The following ZNF112 variants were observed in gnomAD, a reference collection of about 807,000 sequenced individuals.
ZNF112 encodes the protein zinc finger protein 112, also known as zinc finger protein 112 (Y14).
ZNF112 carries 37 observed loss-of-function variants against 77.7 expected under a neutral mutation model. That is an observed-to-expected ratio of 0.48 (90% confidence interval 0.37 to 0.63). The LOEUF is 0.63. Ranked by LOEUF, ZNF112 falls within the 20% of genes least tolerant of loss-of-function variation. The pLI, the probability that ZNF112 is intolerant of heterozygous loss-of-function variation, is 0.00. For missense variants in ZNF112, 950 were observed against 1,077.4 expected (o/e 0.88, Z 1.66); for synonymous variants, 333 against 363.6 (o/e 0.92, Z 0.96).
At position 44,329,067 on chromosome 19, in the gene ZNF112, G is replaced by C; in HGVS notation, c.1090C>G (p.His364Asp). Residue 364 changes from histidine (H) to aspartate (D), a missense_variant, in exon 4 of 4, where the codon CAT (histidine) becomes GAT (aspartate). Around this residue, in one of 3 missense-constraint regions of ZNF112, gnomAD observed 560 missense variants for 557.3 expected, o/e 1.00. Transcript: ENST00000354340. ...RHNIYEKAFS[H>D]SLDLNSIFRV... ...AAAATACTATTAAGGTCTAAGCTAT[G>C]ACTGAAGGCTTTCTCATAAATGTTG... The C allele has an allele frequency of 1.2e-6, 2 of 1,613,852 alleles. No homozygotes were observed. Among genetic ancestry groups the C allele is most frequent in the South Asian group, 1.1e-5 (1 of 91,070 alleles).
rs1970608518 is a variant in ZNF112, at chr19:44,347,303, AC to A, written c.-3-6762del. 4.6e-5 allele frequency among the ~76,000 whole-genome samples: 7 copies of A among 152,110 alleles called. No individual in the cohort carries two copies. In the South Asian group the frequency reaches 1.5e-3, roughly 32 times the overall value. On this transcript the variant is annotated intron_variant, in intron 1 of 3. Transcript: ENST00000354340. ...AATGGAGTTATTTTAGACCACATAT[AC>A]TTGGTTCTTGCTTTTTATCCAATCT... is the stretch of plus-strand genomic sequence containing the variant.
At chr19:44,348,171 G>A (rs1166766628) in intron 1 of ZNF112, among the ~76,000 whole-genome samples, 2 of 152,054 alleles carry the variant, frequency 1.3e-5, no homozygotes, top group East Asian at 3.8e-4. Context: ...GTATCCAGAA[G>A]TGATTTTCTC....
At chr19:44,331,973 G>T (rs8107369) in intron 3 of ZNF112, among the ~76,000 whole-genome samples, 19,125 of 152,148 alleles carry the variant, frequency 0.13, 1,595 homozygotes, top group East Asian at 0.39. Flanking sequence ...CATAGGCAGG[G>T]CCTGTGGATT....
chr19:44,342,087 G>A (rs951151789), intron 1 of ZNF112, among the ~76,000 whole-genome samples: 9 of 152,194 alleles, frequency 5.9e-5, no homozygotes, highest in African/African-American at 2.2e-4. Flanking sequence ...CAGATGCAAA[G>A]TGCCTATATA....
intron 2 of ZNF112, among the ~76,000 whole-genome samples, chr19:44,338,502 C>T (rs893662804): frequency 3.9e-5 from 6 of 152,176 alleles, no homozygotes; most frequent in African/African-American, 1.2e-4. Context: ...GATGACTTCA[C>T]GTGCCTCCAG....
At position 44,328,675 on chromosome 19, in the gene ZNF112, C is replaced by T. The variant is rs1480779964; in HGVS notation, c.1482G>A (p.Lys494=). 3 of 1,614,084 alleles carry T rather than the reference C, an allele frequency of 1.9e-6. No individual in the cohort carries two copies. Among genetic ancestry groups the T allele is most frequent in the East Asian group, 2.2e-5 (1 of 44,880 alleles). ...TCCAGTTGAAGCCATTCCCATGCTCCTTACGTGGTTTCTCTCCAATGTGAA... is the reference window on the plus strand; with the variant it reads ...TCCAGTTGAAGCCATTCCCATGCTCTTTACGTGGTTTCTCTCCAATGTGAA... ...PKIHIGEKPR[K]EHGNGFNWSS... is the part of the protein sequence containing the mutation. The change falls in exon 4 of 4, where the codon AAG becomes AAA. Residue 494 remains lysine (K), a synonymous_variant. Coordinates refer to ENST00000354340, the MANE Select transcript of ZNF112 (RefSeq NM_013380.4).
At chr19:44,342,706 C>T (rs1197878508) in intron 1 of ZNF112, among the ~76,000 whole-genome samples, 1 of 151,578 alleles carries the variant, frequency 6.6e-6, no homozygotes, top group African/African-American at 2.4e-5. Context: ...ATCCCAGCTA[C>T]TCGGGAGGCT....
At chr19:44,353,828 A>T (rs747144047) in intron 1 of ZNF112, among the ~76,000 whole-genome samples, 1 of 152,132 alleles carries the variant, frequency 6.6e-6, no homozygotes, top group Non-Finnish European at 1.5e-5. Flanking sequence ...GGCATCTTAT[A>T]AAGTTAAACA....
rs775100653 is a variant in ZNF112, at chr19:44,328,761, T to C, written c.1396A>G (p.Lys466Glu). 7 of 1,614,134 alleles carry C rather than the reference T, an allele frequency of 4.3e-6. No individual in the cohort carries two copies. Among genetic ancestry groups the C allele is most frequent in the Non-Finnish European group, 5.9e-6 (7 of 1,179,984 alleles). Residue 466 changes from lysine (K) to glutamate (E), a missense_variant, in exon 4 of 4, where the codon AAA becomes GAA. Lys to Glu is a moderately conservative substitution (Grantham distance 56). Around this residue, in one of 3 missense-constraint regions of ZNF112, gnomAD observed 560 missense variants for 557.3 expected, o/e 1.00. Transcript: ENST00000354340. The part of the protein sequence containing the change: ...QIVHTKEQPY[K>E]RYVCSNSFSH... ...AAGCTGTTACTACACACATAGCGTT[T>C]ATATGGTTGTTCCTTAGTGTGGACT...
intron 1 of ZNF112, among the ~76,000 whole-genome samples, chr19:44,352,911 C>T (rs1038516736): frequency 2.6e-5 from 4 of 151,966 alleles, no homozygotes; most frequent in South Asian, 2.1e-4. Context: ...GTGATAAAGA[C>T]GGATCTACTG....
chr19:44,364,408 T>C (rs1455597227), intron 1 of ZNF112, among the ~76,000 whole-genome samples: 2 of 152,228 alleles, frequency 1.3e-5, no homozygotes, highest in African/African-American at 4.8e-5. Flanking sequence ...TTTAATATTG[T>C]ATTGTACAAG....
chr19:44,339,830 G>A (rs531972113), intron 2 of ZNF112, among the ~76,000 whole-genome samples: 2 of 151,288 alleles, frequency 1.3e-5, no homozygotes, highest in East Asian at 2.0e-4. Flanking sequence ...CCTGAACTCT[G>A]TATATACACT....
intron 2 of ZNF112, among the ~76,000 whole-genome samples, chr19:44,338,526 A>G (rs1160953090): frequency 6.6e-6 from 1 of 152,212 alleles, no homozygotes; most frequent in East Asian, 1.9e-4. Flanking sequence ...TGATTCCCTC[A>G]AAAGTGCACA....
At chr19:44,331,628 T>C (rs1970271788) in intron 3 of ZNF112, among the ~76,000 whole-genome samples, 1 of 152,214 alleles carries the variant, frequency 6.6e-6, no homozygotes, top group Admixed American at 6.5e-5. Flanking sequence ...CTTATTTCTT[T>C]GTGTTTGTCT....
Position 44,329,454 on chromosome 19 carries a change from T to C in ZNF112, c.703A>G (p.Met235Val), listed in dbSNP as rs112908031. 3 of 1,613,942 alleles carry C rather than the reference T, an allele frequency of 1.9e-6. No homozygotes were observed. Among genetic ancestry groups the C allele is most frequent in the East Asian group, 2.2e-5 (1 of 44,860 alleles). ...TCCTGATTAAGTAATGATACCTTCA[T>C]GATATCTTCTCCACAGTCATGGCAG... Reference protein sequence around the residue: ...YSCHDCGEDIMKVSLLNQESI... With the variant: ...YSCHDCGEDIVKVSLLNQESI... Residue 235 changes from methionine (M) to valine (V), a missense_variant, in exon 4 of 4, where the codon ATG becomes GTG. Coordinates refer to ENST00000354340, the MANE Select transcript of ZNF112 (RefSeq NM_013380.4).
intron 1 of ZNF112, among the ~76,000 whole-genome samples, chr19:44,365,468 TTATA>T (rs200896760): frequency 9.4e-6 from 1 of 106,136 alleles, no homozygotes; most frequent in Admixed American, 9.4e-5. Context: ...TCAAAAAAAA[TTATA>T]TATATATATA....
At position 44,328,276 on chromosome 19, in the gene ZNF112, T is replaced by C. The variant is rs371826122; in HGVS notation, c.1881A>G (p.Gly627=). The C allele has an allele frequency of 6.2e-7, 1 of 1,613,964 alleles. No individual in the cohort carries two copies. The highest frequency in any genetic ancestry group is 1.3e-5 in the African/African-American group (1 of 74,900). ...ATTCCTCACATTTGAATGGTTTTTCTCCAGTGTGGACTCTCTGATGGCCTT... is the reference window on the plus strand; with the variant it reads ...ATTCCTCACATTTGAATGGTTTTTCCCCAGTGTGGACTCTCTGATGGCCTT... ...HLQGHQRVHT[G]EKPFKCEECG... Residue 627 remains glycine (G), a synonymous_variant, in exon 4 of 4, where the codon GGA becomes GGG. Transcript: ENST00000354340.
At chr19:44,343,108 AAAAC>A (rs1970521703) in intron 1 of ZNF112, 1 of 820,334 alleles carries the variant, frequency 1.2e-6, no homozygotes, top group Non-Finnish European at 1.8e-6. Flanking sequence ...GAAAAGGACA[AAAAC>A]AAAAAGCAAG....
Position 44,329,128 on chromosome 19 carries a change from A to C in ZNF112, c.1029T>G (p.Tyr343Ter), listed in dbSNP as rs371661688. 17 of 1,613,824 alleles carry C rather than the reference A, an allele frequency of 1.1e-5. No individual in the cohort carries two copies. Among genetic ancestry groups the C allele is most frequent in the African/African-American group, 2.7e-5 (2 of 74,940 alleles). The change falls in exon 4 of 4, where the codon TAT becomes TAG. Residue 343 changes from tyrosine to a stop codon, truncating the protein, a stop_gained. Transcript: ENST00000354340. LOFTEE classifies it high-confidence loss of function. ...NFNHCSPLNTYELIHTGEMSY... is the reference protein window; with the variant it reads ...NFNHCSPLNT ...ACATCTCACCTGTGTGGATAAGTTCATAAGTGTTAAGAGGGGAACAGTGAT... is the reference window on the plus strand; with the variant it reads ...ACATCTCACCTGTGTGGATAAGTTCCTAAGTGTTAAGAGGGGAACAGTGAT...
Sources: gnomAD v4.1 joint callset for allele counts (sites outside exome capture counted in the v4.1 genomes callset) on GRCh38, gnomAD v4.1.1 for gene constraint, gnomAD v4.1.1 regional missense constraint, MANE v1.5 for transcripts, NCBI Gene and HGNC (gene_info 2026-07-23, HGNC 2026-07-21) for gene names.